Variants in FLRT3 observed in about 807,000 individuals in gnomAD.
The protein encoded by FLRT3 is leucine-rich repeat transmembrane protein FLRT3.
FLRT3 carries 17 observed loss-of-function variants against 42.6 expected under a neutral mutation model. The observed-to-expected ratio is 0.40, with a 90% CI of 0.27 to 0.60. FLRT3 has a LOEUF of 0.60. Among genes scored for constraint, FLRT3 ranks in the 20% least tolerant of loss-of-function variants. FLRT3 has a pLI of 0.44. For missense variants in FLRT3, 635 were observed against 789.2 expected (o/e 0.80, Z 2.34); for synonymous variants, 279 against 286.4 (o/e 0.97, Z 0.26).
chr20:14,335,043 G>T (rs1320693016), intron 1 of FLRT3, among the ~76,000 whole-genome samples: 1 of 152,070 alleles, frequency 6.6e-6, no homozygotes, highest in Admixed American at 6.6e-5. Flanking sequence ...CAAGAAAGAA[G>T]AAACATTAAT....
At chr20:14,335,227 G>T (rs764968409) in intron 1 of FLRT3, among the ~76,000 whole-genome samples, 3 of 152,192 alleles carry the variant, frequency 2.0e-5, no homozygotes, top group African/African-American at 7.2e-5. Context: ...TTCATCTAGA[G>T]AGACTGAGTG....
intron 1 of FLRT3, among the ~76,000 whole-genome samples, chr20:14,330,687 A>G (rs979450736): frequency 1.3e-5 from 2 of 152,100 alleles, no homozygotes; most frequent in African/African-American, 4.8e-5. Flanking sequence ...TGGATCAAAC[A>G]GTCTCTAGTG....
rs1389209915 is a variant in FLRT3, at chr20:14,325,548, C to A, written c.*9G>T. 2.5e-6 allele frequency: 4 copies of A among 1,598,952 alleles called. No homozygotes were observed. The highest frequency in any genetic ancestry group is 2.3e-5 in the South Asian group (2 of 88,264). The stretch of plus-strand genomic sequence containing the variant: ...CCCAAAACACAAGTCTGCTGTGAGT[C>A]CTTCAGCATCATGAGTGTGAGTGAT... On this transcript the variant is annotated 3_prime_UTR_variant, in exon 3 of 3. Coordinates refer to ENST00000341420, the MANE Select transcript of FLRT3 (RefSeq NM_198391.3).
Position 14,326,617 on chromosome 20 carries a change from A to T in FLRT3, c.890T>A (p.Ile297Lys). The change falls in exon 3 of 3, where the codon ATA (isoleucine) becomes AAA (lysine). Residue 297 changes from isoleucine (I) to lysine (K), a missense_variant. Coordinates refer to ENST00000341420, the MANE Select transcript of FLRT3 (RefSeq NM_198391.3). The surrounding 1 kb of genome is among the most constrained non-coding windows in gnomAD (Gnocchi z 5.5). ...PQGIFDDLDN[I>K]TQLILRNNPW... ...ATTGTTGCGAAGAATCAGTTGTGTT[A>T]TATTGTCCAAATCATCAAAGATACC... The T allele has an allele frequency of 6.2e-7, 1 of 1,613,892 alleles. No individual in the cohort carries two copies. Among genetic ancestry groups the T allele is most frequent in the Non-Finnish European group, 8.5e-7 (1 of 1,179,842 alleles).
Position 14,327,575 on chromosome 20 carries a change from A to T in FLRT3, c.-52-17T>A, listed in dbSNP as rs186649978. 36 of 1,480,552 alleles carry T rather than the reference A, an allele frequency of 2.4e-5. No homozygotes were observed. The highest frequency in any genetic ancestry group is 1.4e-4 in the South Asian group (10 of 72,798). 91.7% of individuals were successfully genotyped at this position (1,480,552 alleles called of 1,614,324 possible). A position where few individuals can be genotyped will look rare whatever the true frequency, so the allele number is the denominator to read the frequency against. ...TTCAGAACCCTAAAATGAAGTGAGTAAAAAAAGACAGAAAACAATAAGGCC... is the reference window on the plus strand; with the variant it reads ...TTCAGAACCCTAAAATGAAGTGAGTTAAAAAAGACAGAAAACAATAAGGCC... On this transcript the variant is annotated splice_polypyrimidine_tract_variant and intron_variant, in intron 2 of 2. Coordinates refer to ENST00000341420, the MANE Select transcript of FLRT3 (RefSeq NM_198391.3).
chr20:14,334,520 G>C (rs78767221), intron 1 of FLRT3, among the ~76,000 whole-genome samples: 3 of 152,200 alleles, frequency 2.0e-5, no homozygotes, highest in East Asian at 1.9e-4. Context: ...TGCCCACTGG[G>C]GGGTGGTACA....
intron 1 of FLRT3, among the ~76,000 whole-genome samples, chr20:14,331,003 T>C (rs2082826328): frequency 6.6e-6 from 1 of 152,082 alleles, no homozygotes; most frequent in African/African-American, 2.4e-5. Context: ...TAGAAACTAA[T>C]TAAAAACCAT....
At position 14,326,480 on chromosome 20, in the gene FLRT3, T is replaced by C; in HGVS notation, c.1027A>G (p.Met343Val). The C allele has an allele frequency of 6.2e-7, 1 of 1,613,890 alleles. No individual in the cohort carries two copies. Among genetic ancestry groups the C allele is most frequent in the Non-Finnish European group, 8.5e-7 (1 of 1,179,858 alleles). The change falls in exon 3 of 3, where the codon ATG becomes GTG. Residue 343 changes from methionine to valine, a missense_variant. Transcript: ENST00000341420. The surrounding 1 kb of genome is among the most constrained non-coding windows in gnomAD (Gnocchi z 5.5). Reference sequence around the variant, plus strand: ...TCTGCATTGAGATCCTTAATAGCCATCCCACGAACCTTTTCTGGGGCTTGG... The same window carrying C: ...TCTGCATTGAGATCCTTAATAGCCACCCCACGAACCTTTTCTGGGGCTTGG... ...MCQAPEKVRG[M>V]AIKDLNAELF...
In FLRT3 at chr20:14,337,460, T is replaced by G. The variant is rs184270153; in HGVS notation, c.-303A>C. 2.5e-6 allele frequency: 1 copy of G among 396,214 alleles called. No homozygotes were observed. The highest frequency in any genetic ancestry group is 2.1e-5 in the African/African-American group (1 of 48,660). 24.5% of individuals were successfully genotyped at this position (396,214 alleles called of 1,614,324 possible). The stretch of plus-strand genomic sequence containing the variant: ...ACTGCCGCTATAGCTGTAATTCCAT[T>G]GACAGTGAATTGGAGTAATAGCCCT... On this transcript the variant is annotated 5_prime_UTR_variant, in exon 1 of 3. Transcript: ENST00000341420.
intron 1 of FLRT3, among the ~76,000 whole-genome samples, chr20:14,336,151 A>AAGGCATTGCTAC (rs1271087164): frequency 6.6e-6 from 1 of 152,152 alleles, no homozygotes; most frequent in Non-Finnish European, 1.5e-5. Context: ...AGATAAATGA[A>AAGGCATTGCTAC]AGGCATTGCT....
At chr20:14,333,097 A>G (rs2122621228) in intron 1 of FLRT3, among the ~76,000 whole-genome samples, 1 of 152,004 alleles carries the variant, frequency 6.6e-6, no homozygotes, top group South Asian at 2.1e-4. Context: ...AAGGACCTCT[A>G]ACTCTCCTCT....
chr20:14,329,451 A>AGGGATAG (rs2122596746), intron 1 of FLRT3, 124 bp from the exon 2 acceptor site: 2 of 152,212 alleles, frequency 1.3e-5, no homozygotes, highest in East Asian at 3.9e-4. Context: ...GTTAGTCAGA[A>AGGGATAG]GGGATAGGTT....
intron 1 of FLRT3, among the ~76,000 whole-genome samples, chr20:14,332,039 A>C (rs944572908): frequency 1.3e-5 from 2 of 152,146 alleles, no homozygotes; most frequent in Non-Finnish European, 2.9e-5. Flanking sequence ...CTGGTAACTT[A>C]ATGGAATGTT....
At chr20:14,332,668 A>G (rs1039255593) in intron 1 of FLRT3, among the ~76,000 whole-genome samples, 9 of 152,160 alleles carry the variant, frequency 5.9e-5, no homozygotes, top group African/African-American at 2.2e-4. Flanking sequence ...ACTTTTAAAA[A>G]TATTCAATCT....
chr20:14,327,027 G>A lies in FLRT3; in HGVS notation c.480C>T (p.Phe160=). ...TTGTGCTAAGGTGATTACGGGACAG[G>A]AAAAGCAGTCGGAGATAGTTGCTGT... ...FRDSNYLRLL[F]LSRNHLSTIP... The change falls in exon 3 of 3, where the codon TTC becomes TTT. Residue 160 remains phenylalanine (F), a synonymous_variant. Transcript: ENST00000341420. 2 of 1,613,720 alleles carry A rather than the reference G, an allele frequency of 1.2e-6. No homozygotes were observed. The highest frequency in any genetic ancestry group is 1.1e-5 in the South Asian group (1 of 91,066).
rs2082747319 is a variant in FLRT3 at position 14,327,030 on chromosome 20, A to G, written c.477T>C (p.Leu159=). ...AFRDSNYLRL[L]FLSRNHLSTI... The stretch of plus-strand genomic sequence containing the variant: ...TGCTAAGGTGATTACGGGACAGGAA[A>G]AGCAGTCGGAGATAGTTGCTGTCTC... The change falls in exon 3 of 3, where the codon CTT becomes CTC. Residue 159 remains leucine, a synonymous_variant. Coordinates refer to ENST00000341420, the MANE Select transcript of FLRT3 (RefSeq NM_198391.3). 2 of 1,613,612 alleles carry G rather than the reference A, an allele frequency of 1.2e-6. No individual in the cohort carries two copies. Among genetic ancestry groups the G allele is most frequent in the African/African-American group, 1.3e-5 (1 of 74,882 alleles).
Position 14,325,819 on chromosome 20 carries a change from C to G in FLRT3, c.1688G>C (p.Cys563Ser), listed in dbSNP as rs2082723581. Residue 563 changes from cysteine (C) to serine (S), a missense_variant, in exon 3 of 3, where the codon TGT becomes TCT. Cys to Ser is a moderately radical substitution (Grantham distance 112, BLOSUM62 -1). Transcript: ENST00000341420. ...HRNGSLFSRN[C>S]AYSKGRRRKD... ...TCTTCTCCTCCCTTTGCTATATGCACAGTTCCTTGAGAAGAGCGATCCATT... is the reference window on the plus strand; with the variant it reads ...TCTTCTCCTCCCTTTGCTATATGCAGAGTTCCTTGAGAAGAGCGATCCATT... The G allele has an allele frequency of 6.2e-7, 1 of 1,613,916 alleles. No individual in the cohort carries two copies. Among genetic ancestry groups the G allele is most frequent in the East Asian group, 2.2e-5 (1 of 44,870 alleles).
chr20:14,331,377 G>C (rs2082835139), intron 1 of FLRT3, among the ~76,000 whole-genome samples: 1 of 152,084 alleles, frequency 6.6e-6, no homozygotes, highest in South Asian at 2.1e-4. Flanking sequence ...TTACATTTGT[G>C]AAGCTGCTTT....
chr20:14,329,457 A>G (rs1288199243), intron 1 of FLRT3, 130 bp from the exon 2 acceptor site: 2 of 152,122 alleles, frequency 1.3e-5, no homozygotes, highest in African/African-American at 4.8e-5. Flanking sequence ...CAGAAGGGAT[A>G]GGTTGACCTC....
Sources: allele counts gnomAD v4.1 joint callset (sites outside exome capture counted in the v4.1 genomes callset), GRCh38; gene constraint gnomAD v4.1.1; non-coding constraint Gnocchi (gnomAD v3.1); transcripts MANE v1.5; gene names NCBI Gene and HGNC (gene_info 2026-07-23, HGNC 2026-07-21).